The following BMP2 variants were observed in gnomAD, a reference collection of about 807,000 sequenced individuals.
BMP2 encodes bone morphogenetic protein 2A.
In BMP2, 2 loss-of-function variants were observed where a neutral mutation model predicts 28.8. The observed-to-expected ratio is 0.07, with a 90% CI of 0.03 to 0.22. The LOEUF (loss-of-function observed/expected upper bound fraction) is 0.22, where lower values mean the gene tolerates loss of function less well. Among genes scored for constraint, BMP2 ranks in the 10% least tolerant of loss-of-function variants. The probability of loss-of-function intolerance (pLI) is 1.00; values close to 1 mark genes in which losing one functional copy is unlikely to be tolerated. For missense variants in BMP2, 437 were observed against 517.7 expected, an observed-to-expected ratio of 0.84 and a Z score of 1.51; for synonymous variants, 218 against 204.3, an observed-to-expected ratio of 1.07 and a Z score of -0.57.
chr20:6,767,876 G>A lies in BMP2; in HGVS notation c.-1007G>A, dbSNP rs1414251784. The A allele has an allele frequency of 3.3e-5, 12 of 360,874 alleles. No homozygotes were observed. The East Asian group carries it at 5.0e-4, about 15-fold the overall frequency. 22.4% of individuals were successfully genotyped at this position (360,874 alleles called of 1,614,324 possible). ...CGCCGAGTGGATCACCGGGGACCGC[G>A]AGGCACCCGCGCGCCGCAGACCCCG... is the stretch of plus-strand genomic sequence containing the variant. On this transcript the variant is annotated 5_prime_UTR_variant, in exon 1 of 3. Transcript: ENST00000378827.
intron 1 of BMP2, 127 bp downstream of exon 1, chr20:6,769,002 A>T: frequency 2.5e-6 from 1 of 395,554 alleles, no homozygotes; most frequent in East Asian, 3.6e-5. Context: ...TCCACGTGCA[A>T]CGGAGCCCTG....
chr20:6,771,296 A>G (rs931419415), intron 2 of BMP2, among the ~76,000 whole-genome samples: 1 of 152,122 alleles, frequency 6.6e-6, no homozygotes, highest in African/African-American at 2.4e-5. Context: ...TACAGCAGCT[A>G]TTGAGGTCTG....
rs1228290560 is a variant in BMP2 at position 6,767,906 on chromosome 20, G to A, written c.-977G>A. On this transcript the variant is annotated 5_prime_UTR_variant, in exon 1 of 3. Transcript: ENST00000378827. ...ACCCGCGCGCCGCAGACCCCGCGCG[G>A]GCTGGAGCACCCGGCAGAGCGCGCC... The A allele has an allele frequency of 2.0e-4, 75 of 378,510 alleles. 1 individual carries two copies. The Admixed American group carries it at 3.3e-3, about 17-fold the overall frequency. The allele number at this position is 378,510 out of a possible 1,614,324, so 23.4% of individuals were successfully genotyped here. A position where few individuals can be genotyped will look rare whatever the true frequency, so the allele number is the denominator to read the frequency against.
rs1187585003 is a variant in BMP2, at chr20:6,779,093, A to C, written c.*4A>C. ...GGAGGGTTGTGGGTGTCGCTAGTAC[A>C]GCAAAATTAAATACATAAATATATA... On this transcript the variant is annotated 3_prime_UTR_variant, in exon 3 of 3. Coordinates refer to ENST00000378827, the MANE Select transcript of BMP2 (RefSeq NM_001200.4). 1.4e-6 allele frequency: 2 copies of C among 1,464,466 alleles called. No individual in the cohort carries two copies. The highest frequency in any genetic ancestry group is 9.1e-7 in the Non-Finnish European group (1 of 1,102,164). The allele number at this position is 1,464,466 out of a possible 1,614,324, so 90.7% of individuals were successfully genotyped here. A position where few individuals can be genotyped will look rare whatever the true frequency, so the allele number is the denominator to read the frequency against.
At position 6,770,100 on chromosome 20, in the gene BMP2, C is replaced by A. The variant is rs372058568; in HGVS notation, c.-7-20C>A. ...GACTGGGCGGGGAACTCGGGTGACT[C>A]ACGTCGGTCCTGTCCGCAGGTCGAC... On this transcript the variant is annotated intron_variant, in intron 1 of 2. Transcript: ENST00000378827. 7.8e-5 allele frequency: 118 copies of A among 1,510,522 alleles called. No homozygotes were observed. The African/African-American group carries it at 1.5e-3, about 20-fold the overall frequency. The allele number at this position is 1,510,522 out of a possible 1,614,324, so 93.6% of individuals were successfully genotyped here. A position where few individuals can be genotyped will look rare whatever the true frequency, so the allele number is the denominator to read the frequency against.
In BMP2 at chr20:6,767,869, G is replaced by T. The variant is rs1168291739; in HGVS notation, c.-1014G>T. 5.6e-6 allele frequency: 2 copies of T among 357,704 alleles called. No individual in the cohort carries two copies. The highest frequency in any genetic ancestry group is 8.4e-5 in the East Asian group (2 of 23,852). The allele number at this position is 357,704 out of a possible 1,614,324, so 22.2% of individuals were successfully genotyped here. On this transcript the variant is annotated 5_prime_UTR_variant, in exon 1 of 3. Coordinates refer to ENST00000378827, the MANE Select transcript of BMP2 (RefSeq NM_001200.4). ...GGGCCAGCGCCGAGTGGATCACCGG[G>T]GACCGCGAGGCACCCGCGCGCCGCA...
chr20:6,768,788 G>A lies in BMP2; in HGVS notation c.-95G>A. ...GAACGGACATTCGGTCCTTGCGCCA[G>A]GTCCTTTGACCAGAGTTTTTCCATG... is the stretch of plus-strand genomic sequence containing the variant. On this transcript the variant is annotated 5_prime_UTR_variant, in exon 1 of 3. Transcript: ENST00000378827. The A allele has an allele frequency of 2.5e-6, 1 of 398,568 alleles. No homozygotes were observed. The highest frequency in any genetic ancestry group is 4.4e-6 in the Non-Finnish European group (1 of 226,066). 24.7% of individuals were successfully genotyped at this position (398,568 alleles called of 1,614,324 possible). A position where few individuals can be genotyped will look rare whatever the true frequency, so the allele number is the denominator to read the frequency against.
In BMP2 at chr20:6,778,161, C is replaced by T. The variant is rs1288302108; in HGVS notation, c.347-84C>T. 6.6e-7 allele frequency: 1 copy of T among 1,509,398 alleles called. No homozygotes were observed. 93.5% of individuals were successfully genotyped at this position (1,509,398 alleles called of 1,614,324 possible). On this transcript the variant is annotated intron_variant, in intron 2 of 2. Transcript: ENST00000378827. The surrounding 1 kb of genome is among the most constrained non-coding windows in gnomAD (Gnocchi z 5.0). ...AATCCCACGATGAGGTTTAAAAATT[C>T]TCATAGATAATCAAACGTCATTACT...
At chr20:6,770,062 C>T in intron 1 of BMP2, 58 bp from the exon 2 acceptor site, 2 of 1,461,424 alleles carry the variant, frequency 1.4e-6, no homozygotes, top group Non-Finnish European at 1.8e-6. Flanking sequence ...GCCGCGGGGG[C>T]GCGAGGGGGG....
Position 6,778,664 on chromosome 20 carries a change from A to C in BMP2, c.766A>C (p.Ser256Arg), listed in dbSNP as rs1204582570. ...ISRSLHQDEHSWSQIRPLLVT... is the reference protein window; with the variant it reads ...ISRSLHQDEHRWSQIRPLLVT... The stretch of plus-strand genomic sequence containing the variant: ...CAGGTCTTTGCACCAAGATGAACAC[A>C]GCTGGTCACAGATAAGGCCATTGCT... Residue 256 changes from serine to arginine, a missense_variant, in exon 3 of 3, where the codon AGC becomes CGC. Physicochemically the swap from Ser to Arg is moderately radical, Grantham distance 110. Around this residue, in one of 2 missense-constraint regions of BMP2, gnomAD observed 363 missense variants for 392.8 expected, o/e 0.92. Coordinates refer to ENST00000378827, the MANE Select transcript of BMP2 (RefSeq NM_001200.4). This position sits in a 1 kb window ranked among gnomAD's most constrained non-coding sequence, Gnocchi z 5.0. 3.7e-6 allele frequency: 6 copies of C among 1,614,192 alleles called. No homozygotes were observed. The highest frequency in any genetic ancestry group is 5.1e-6 in the Non-Finnish European group (6 of 1,180,018).
rs1351324491 is a variant in BMP2, at chr20:6,767,725, C to CCGCGCTGCGCCCGGCT, written c.-1147_-1132dup. On this transcript the variant is annotated 5_prime_UTR_variant, in exon 1 of 3. Transcript: ENST00000378827. ...CGCCGCCGCCGGAGTCCTCGCCCCG[C>CCGCGCTGCGCCCGGCT]CGCGCTGCGCCCGGCTCGCGCTGCG... 3.3e-4 allele frequency: 54 copies of CCGCGCTGCGCCCGGCT among 163,530 alleles called. No homozygotes were observed. The highest frequency in any genetic ancestry group is 1.2e-3 in the African/African-American group (49 of 41,546). 10.1% of individuals were successfully genotyped at this position (163,530 alleles called of 1,614,324 possible). A position where few individuals can be genotyped will look rare whatever the true frequency, so the allele number is the denominator to read the frequency against.
chr20:6,768,611 C>G lies in BMP2; in HGVS notation c.-272C>G, dbSNP rs1408045765. 2 of 395,550 alleles carry G rather than the reference C, an allele frequency of 5.1e-6. No homozygotes were observed. The highest frequency in any genetic ancestry group is 4.4e-5 in the Admixed American group (1 of 22,624). 24.5% of individuals were successfully genotyped at this position (395,550 alleles called of 1,614,324 possible). On this transcript the variant is annotated 5_prime_UTR_variant, in exon 1 of 3. Transcript: ENST00000378827. ...ATAACTTGCGCACCCCACTTTGCGCCGGTGCCTTTGCCCCAGCGGAGCCTG... is the reference window on the plus strand; with the variant it reads ...ATAACTTGCGCACCCCACTTTGCGCGGGTGCCTTTGCCCCAGCGGAGCCTG...
At position 6,778,560 on chromosome 20, in the gene BMP2, A is replaced by G. The variant is rs1182413674; in HGVS notation, c.662A>G (p.His221Arg). 6.2e-7 allele frequency: 1 copy of G among 1,614,168 alleles called. No homozygotes were observed. Among genetic ancestry groups the G allele is most frequent in the Non-Finnish European group, 8.5e-7 (1 of 1,180,006 alleles). ...PAVMRWTAQG[H>R]ANHGFVVEVA... ...GTGATGCGGTGGACTGCACAGGGAC[A>G]CGCCAACCATGGATTCGTGGTGGAA... The change falls in exon 3 of 3, where the codon CAC (histidine) becomes CGC (arginine). Residue 221 changes from histidine to arginine, a missense_variant. By Grantham distance (29) the His-to-Arg change is conservative (BLOSUM62 0). Transcript: ENST00000378827. This position sits in a 1 kb window ranked among gnomAD's most constrained non-coding sequence, Gnocchi z 5.0.
At chr20:6,771,546 A>G in intron 2 of BMP2, among the ~76,000 whole-genome samples, 1 of 152,134 alleles carries the variant, frequency 6.6e-6, no homozygotes, top group East Asian at 1.9e-4. Flanking sequence ...CAAGTGGGAA[A>G]TTTACACTGA....
rs1986535131 is a variant in BMP2 at position 6,778,025 on chromosome 20, A to G, written c.347-220A>G. On this transcript the variant is annotated intron_variant, in intron 2 of 2. Transcript: ENST00000378827. The surrounding 1 kb of genome is among the most constrained non-coding windows in gnomAD (Gnocchi z 5.0). ...GAATTATGAAAGGTTGTTTCCTGGT[A>G]TGCAATGCATGATGACATGAACTTA... Among the ~76,000 whole-genome samples, 3 of 152,172 alleles carry G rather than the reference A, an allele frequency of 2.0e-5. No individual in the cohort carries two copies. The highest frequency in any genetic ancestry group is 6.5e-5 in the Admixed American group (1 of 15,278).
At chr20:6,774,766 A>C (rs1156657534) in intron 2 of BMP2, among the ~76,000 whole-genome samples, 1 of 152,188 alleles carries the variant, frequency 6.6e-6, no homozygotes, top group Non-Finnish European at 1.5e-5. Flanking sequence ...AAAAGCATTC[A>C]GCTGTCATTA....
In BMP2 at chr20:6,778,874, C is replaced by T. The variant is rs1421256768; in HGVS notation, c.976C>T (p.His326Tyr). ...CCCGGGGTATCACGCCTTTTACTGC[C>T]ACGGAGAATGCCCTTTTCCTCTGGC... ...APPGYHAFYC[H>Y]GECPFPLADH... The change falls in exon 3 of 3, where the codon CAC becomes TAC. Residue 326 changes from histidine to tyrosine, a missense_variant. Coordinates refer to ENST00000378827, the MANE Select transcript of BMP2 (RefSeq NM_001200.4). The surrounding 1 kb of genome is among the most constrained non-coding windows in gnomAD (Gnocchi z 5.0). 1 of 1,614,052 alleles carries T rather than the reference C, an allele frequency of 6.2e-7. No homozygotes were observed. Among genetic ancestry groups the T allele is most frequent in the South Asian group, 1.1e-5 (1 of 91,062 alleles).
chr20:6,770,217 A>G lies in BMP2; in HGVS notation c.91A>G (p.Arg31Gly), dbSNP rs796654883. 2 of 1,598,412 alleles carry G rather than the reference A, an allele frequency of 1.3e-6. No homozygotes were observed. The highest frequency in any genetic ancestry group is 2.7e-5 in the African/African-American group (2 of 74,598). ...TGGCCTCGTTCCGGAGCTGGGCCGCAGGAAGTTCGCGGCGGCGTCGTCGGG... is the reference window on the plus strand; with the variant it reads ...TGGCCTCGTTCCGGAGCTGGGCCGCGGGAAGTTCGCGGCGGCGTCGTCGGG... ...AAGLVPELGR[R>G]KFAAASSGRP... Residue 31 changes from arginine to glycine, a missense_variant, in exon 2 of 3, where the codon AGG becomes GGG. Coordinates refer to ENST00000378827, the MANE Select transcript of BMP2 (RefSeq NM_001200.4).
chr20:6,769,628 T>TGTGG (rs1986345967), intron 1 of BMP2, among the ~76,000 whole-genome samples: 1 of 149,502 alleles, frequency 6.7e-6, no homozygotes, highest in Admixed American at 6.7e-5. Flanking sequence ...TGTGTGTGTG[T>TGTGG]GTGTGTGTGT....
Sources: allele counts gnomAD v4.1 joint callset (sites outside exome capture counted in the v4.1 genomes callset), GRCh38; gene constraint gnomAD v4.1.1; regional missense constraint gnomAD v4.1.1; non-coding constraint Gnocchi (gnomAD v3.1); transcripts MANE v1.5; gene names NCBI Gene and HGNC (gene_info 2026-07-23, HGNC 2026-07-21).